ZNF609: variants seen among roughly 807,000 people sequenced by gnomAD.
The protein encoded by ZNF609 is zinc finger protein 609.
A neutral mutation model predicts 109.5 loss-of-function variants in ZNF609; 11 were observed. That is an observed-to-expected ratio of 0.10 (90% CI 0.06 to 0.17). The LOEUF (loss-of-function observed/expected upper bound fraction) is 0.17, where lower values mean the gene tolerates loss of function less well. Among genes scored for constraint, ZNF609 ranks in the 10% least tolerant of loss-of-function variants. ZNF609 has a pLI of 1.00. For missense variants in ZNF609, 1,559 were observed against 1,772.4 expected, an observed-to-expected ratio of 0.88 and a Z score of 2.16; for synonymous variants, 646 against 662.0, an observed-to-expected ratio of 0.98 and a Z score of 0.37.
chr15:64,469,085 G>GA (rs1419544482), intron 1 of ZNF609, among the ~76,000 whole-genome samples: 1 of 144,196 alleles, frequency 6.9e-6, no homozygotes, highest in Non-Finnish European at 1.5e-5. Context: ...CCAACATGGT[G>GA]AAACCTTGTC....
intron 3 of ZNF609, among the ~76,000 whole-genome samples, chr15:64,638,009 T>TA (rs1896200153): frequency 7.1e-6 from 1 of 140,378 alleles, no homozygotes. Flanking sequence ...TATATATATA[T>TA]ATATATAAAA....
intron 2 of ZNF609, among the ~76,000 whole-genome samples, chr15:64,617,853 C>G (rs1196937960): frequency 6.6e-6 from 1 of 152,052 alleles, no homozygotes. Context: ...CAGAGATCTC[C>G]TCTTTAAATT....
At chr15:64,543,454 T>G (rs999096497) in intron 2 of ZNF609, among the ~76,000 whole-genome samples, 4 of 151,202 alleles carry the variant, frequency 2.6e-5, no homozygotes, top group African/African-American at 9.7e-5. Context: ...TGCTTTTTTT[T>G]TTTTTTTTAA....
At chr15:64,555,208 TAAAAC>T (rs1343991735) in intron 2 of ZNF609, among the ~76,000 whole-genome samples, 1 of 151,430 alleles carries the variant, frequency 6.6e-6, no homozygotes, top group Non-Finnish European at 1.5e-5. Context: ...CTACAAAAAA[TAAAAC>T]AAAATTAGCC....
intron 2 of ZNF609, among the ~76,000 whole-genome samples, chr15:64,585,971 G>A (rs1160564753): frequency 6.6e-6 from 1 of 151,944 alleles, no homozygotes; most frequent in Non-Finnish European, 1.5e-5. Context: ...TCAGCCTCCC[G>A]AGTAGCAGGG....
chr15:64,583,766 G>GTA (rs1357587572), intron 2 of ZNF609, among the ~76,000 whole-genome samples: 3 of 152,100 alleles, frequency 2.0e-5, no homozygotes, highest in Non-Finnish European at 4.4e-5. Flanking sequence ...GCTGCCTTGG[G>GTA]TAGTGGAGAT....
In ZNF609 at chr15:64,675,665, G is replaced by A. The variant is rs369681286; in HGVS notation, c.2811G>A (p.Gly937=). 3.7e-6 allele frequency: 6 copies of A among 1,613,984 alleles called. No individual in the cohort carries two copies. Among genetic ancestry groups the A allele is most frequent in the Non-Finnish European group, 5.1e-6 (6 of 1,180,044 alleles). ...KRDEEPESIE[G]KVKNDICEEK... ...ATGAGGAACCTGAGAGCATAGAAGG[G>A]AAAGTGAAGAACGATATCTGTGAAG... The change falls in exon 5 of 10, where the codon GGG becomes GGA. Residue 937 remains glycine, a synonymous_variant. Coordinates refer to ENST00000326648, the MANE Select transcript of ZNF609 (RefSeq NM_015042.2).
chr15:64,606,433 G>A (rs925837977), intron 2 of ZNF609, among the ~76,000 whole-genome samples: 7 of 151,270 alleles, frequency 4.6e-5, no homozygotes, highest in African/African-American at 7.3e-5. Flanking sequence ...AGTAGCAGGC[G>A]CCTGTAATCC....
At chr15:64,591,659 G>A (rs1013407637) in intron 2 of ZNF609, among the ~76,000 whole-genome samples, 4 of 151,576 alleles carry the variant, frequency 2.6e-5, no homozygotes, top group African/African-American at 9.7e-5. Context: ...TGGGTAGATC[G>A]CTTGAGCCCA....
At chr15:64,560,077 C>T (rs763036384) in intron 2 of ZNF609, among the ~76,000 whole-genome samples, 12 of 152,202 alleles carry the variant, frequency 7.9e-5, no homozygotes, top group South Asian at 2.1e-4. Context: ...GACTGAGTCT[C>T]GCTCTGTCAC....
In ZNF609 at chr15:64,491,469, T is replaced by G. The variant is rs911783663; in HGVS notation, c.-127-7824T>G. The stretch of plus-strand genomic sequence containing the variant: ...CAAATCCTGTAAACCTCACACAGTT[T>G]ATATTCAAAGACAGTTTATATTGTC... On this transcript the variant is annotated intron_variant, in intron 1 of 9. Transcript: ENST00000326648. 9.8e-5 allele frequency among the ~76,000 whole-genome samples: 15 copies of G among 152,326 alleles called. No homozygotes were observed. In the East Asian group the frequency reaches 2.7e-3, roughly 27 times the overall value.
chr15:64,515,938 CA>C (rs57072582), intron 2 of ZNF609, among the ~76,000 whole-genome samples: 13,261 of 74,200 alleles, frequency 0.18, 1,460 homozygotes, highest in East Asian at 0.76. Flanking sequence ...AACTCCGTCT[CA>C]AAAAAAAAAA....
chr15:64,650,255 GA>G (rs111329104), intron 3 of ZNF609, among the ~76,000 whole-genome samples: 7,095 of 136,992 alleles, frequency 0.052, 529 homozygotes, highest in African/African-American at 0.17. Context: ...AAATACAAAA[GA>G]AAAAAAAAAA....
chr15:64,476,250 G>A (rs1248297768), intron 1 of ZNF609, among the ~76,000 whole-genome samples: 3 of 150,388 alleles, frequency 2.0e-5, no homozygotes, highest in Middle Eastern at 3.4e-3. Context: ...TTTATTGGAT[G>A]CCCTGTTCTA....
At chr15:64,481,424 G>A (rs1264769298) in intron 1 of ZNF609, among the ~76,000 whole-genome samples, 1 of 150,372 alleles carries the variant, frequency 6.7e-6, no homozygotes, top group African/African-American at 2.5e-5. Context: ...AGGTTCAAGC[G>A]ATTCTTCTGC....
chr15:64,478,567 A>G (rs1200542200), intron 1 of ZNF609, among the ~76,000 whole-genome samples: 1 of 151,790 alleles, frequency 6.6e-6, no homozygotes, highest in Admixed American at 6.6e-5. Flanking sequence ...TAGTAGAGAC[A>G]GGGTTTCACC....
At chr15:64,532,641 A>G (rs1359634649) in intron 2 of ZNF609, among the ~76,000 whole-genome samples, 2 of 152,230 alleles carry the variant, frequency 1.3e-5, no homozygotes, top group Non-Finnish European at 2.9e-5. Context: ...GGAGCGCTGA[A>G]AGTTATATTT....
chr15:64,620,248 A>T (rs1207083639), intron 2 of ZNF609, among the ~76,000 whole-genome samples: 1 of 152,252 alleles, frequency 6.6e-6, no homozygotes, highest in Non-Finnish European at 1.5e-5. Context: ...AGAAGTACAC[A>T]TATAGGCTGT....
chr15:64,567,993 G>A (rs1022216478), intron 2 of ZNF609, among the ~76,000 whole-genome samples: 1 of 151,950 alleles, frequency 6.6e-6, no homozygotes, highest in Non-Finnish European at 1.5e-5. Context: ...ATTTTATTAT[G>A]AATAATTTTA....
Sources: gnomAD v4.1 joint callset for allele counts (sites outside exome capture counted in the v4.1 genomes callset) on GRCh38, gnomAD v4.1.1 for gene constraint, MANE v1.5 for transcripts, NCBI Gene and HGNC (gene_info 2026-07-23, HGNC 2026-07-21) for gene names.